MAD1L1: variants seen among roughly 807,000 people sequenced by gnomAD.
MAD1L1 encodes the protein mitotic spindle assembly checkpoint protein MAD1.
MAD1L1 carries 95 observed loss-of-function variants against 96.9 expected under a neutral mutation model. The observed-to-expected ratio is 0.98, with a 90% CI of 0.83 to 1.16. MAD1L1 has a LOEUF of 1.16. MAD1L1 is among the 50% of genes most tolerant of loss of function. The probability of loss-of-function intolerance (pLI) is 0.00; values close to 1 mark genes in which losing one functional copy is unlikely to be tolerated. For missense variants in MAD1L1, 1,007 were observed against 954.4 expected (o/e 1.06, Z -0.73); for synonymous variants, 473 against 396.6 (o/e 1.19, Z -2.29).
chr7:1,908,385 TTTG>T (rs1027033756), intron 17 of MAD1L1, among the ~76,000 whole-genome samples: 9 of 151,942 alleles, frequency 5.9e-5, no homozygotes, highest in African/African-American at 1.9e-4. Context: ...TTCAGTTGTG[TTTG>T]TTTTGTTTTT....
In MAD1L1 at chr7:1,976,493, C is replaced by T. The variant is rs1691098607; in HGVS notation, c.1505+3960G>A. 3.9e-5 allele frequency among the ~76,000 whole-genome samples: 6 copies of T among 152,336 alleles called. No individual in the cohort carries two copies. In the South Asian group the frequency reaches 1.2e-3, roughly 32 times the overall value. ...CTTGCCGGCCTCAGGAGTGAAGCTGCAGACCTTCGTGGTGAGTGCTACATC... is the reference window on the plus strand; with the variant it reads ...CTTGCCGGCCTCAGGAGTGAAGCTGTAGACCTTCGTGGTGAGTGCTACATC... On this transcript the variant is annotated intron_variant, in intron 15 of 18. Transcript: ENST00000265854.
chr7:2,225,787 G>A (rs538539944), intron 3 of MAD1L1, among the ~76,000 whole-genome samples: 8 of 152,220 alleles, frequency 5.3e-5, no homozygotes, highest in Non-Finnish European at 1.2e-4. Flanking sequence ...AAGCATATTA[G>A]TGAAGGCAAC....
At chr7:2,068,599 G>T (rs1347149997) in intron 12 of MAD1L1, among the ~76,000 whole-genome samples, 1 of 152,104 alleles carries the variant, frequency 6.6e-6, no homozygotes, top group East Asian at 1.9e-4. Context: ...TCTGGGGACA[G>T]ATTGACTTCT....
chr7:2,198,281 C>T (rs942118265), intron 10 of MAD1L1, among the ~76,000 whole-genome samples: 5 of 152,130 alleles, frequency 3.3e-5, no homozygotes, highest in African/African-American at 9.7e-5. Context: ...CCAGGAAGAG[C>T]CAGCAGGAGC....
chr7:1,847,367 C>A (rs1047662828), intron 18 of MAD1L1: 2 of 470,958 alleles, frequency 4.2e-6, no homozygotes, highest in African/African-American at 4.0e-5. Flanking sequence ...CGGGGCGGAC[C>A]AGGGTGTGCA....
intron 17 of MAD1L1, among the ~76,000 whole-genome samples, chr7:1,918,627 TC>T (rs1788574215): frequency 6.6e-6 from 1 of 152,218 alleles, no homozygotes; most frequent in Admixed American, 6.5e-5. Context: ...ATCCCATGAT[TC>T]CTTTACAACT....
chr7:1,860,519 G>A (rs1784494850), intron 18 of MAD1L1, among the ~76,000 whole-genome samples: 1 of 152,096 alleles, frequency 6.6e-6, no homozygotes, highest in African/African-American at 2.4e-5. Flanking sequence ...TTCCCTAAAT[G>A]TGACAACCTG....
chr7:2,225,867 T>A (rs1362689393), intron 3 of MAD1L1, among the ~76,000 whole-genome samples: 1 of 152,246 alleles, frequency 6.6e-6, no homozygotes, highest in East Asian at 1.9e-4. Flanking sequence ...CGTAGGTGGC[T>A]GCATTCTCTG....
At chr7:2,071,898 T>A (rs12699659) in intron 11 of MAD1L1, among the ~76,000 whole-genome samples, 8 of 152,032 alleles carry the variant, frequency 5.3e-5, no homozygotes, top group Non-Finnish European at 8.8e-5. Flanking sequence ...CCACTGTTCC[T>A]GGAGGGTGGG....
intron 12 of MAD1L1, among the ~76,000 whole-genome samples, chr7:2,015,700 C>T (rs1782508302): frequency 1.3e-5 from 2 of 152,212 alleles, no homozygotes; most frequent in Admixed American, 6.5e-5. Flanking sequence ...CGACCTTCTC[C>T]TGCCTGTCCG....
chr7:2,027,522 C>G (rs1584120781), intron 12 of MAD1L1, among the ~76,000 whole-genome samples: 1 of 152,304 alleles, frequency 6.6e-6, no homozygotes. Flanking sequence ...CTCATTTATT[C>G]CTGGAATGTA....
At chr7:2,058,680 T>A (rs1240727305) in intron 12 of MAD1L1, among the ~76,000 whole-genome samples, 7 of 41,186 alleles carry the variant, frequency 1.7e-4, no homozygotes, top group Non-Finnish European at 2.3e-4. Flanking sequence ...GAGGAGAGGC[T>A]TGAGGCTGGA....
At chr7:1,850,795 T>C (rs1253877163) in intron 18 of MAD1L1, among the ~76,000 whole-genome samples, 1 of 152,136 alleles carries the variant, frequency 6.6e-6, no homozygotes, top group Non-Finnish European at 1.5e-5. Context: ...AGCAAACACA[T>C]GTTCACTGCA....
intron 11 of MAD1L1, among the ~76,000 whole-genome samples, chr7:2,083,549 G>C: frequency 6.6e-6 from 1 of 152,238 alleles, no homozygotes; most frequent in East Asian, 1.9e-4. Flanking sequence ...AGGCCTCCAA[G>C]GTGGGTCAGT....
intron 10 of MAD1L1, among the ~76,000 whole-genome samples, chr7:2,179,136 T>C (rs111281804): frequency 3.3e-5 from 5 of 152,252 alleles, no homozygotes; most frequent in African/African-American, 1.2e-4. Context: ...CCGGGAACGT[T>C]TGGTCAAGAA....
chr7:1,869,237 A>T (rs1249000280), intron 18 of MAD1L1, among the ~76,000 whole-genome samples: 7 of 152,108 alleles, frequency 4.6e-5, no homozygotes, highest in African/African-American at 1.7e-4. Flanking sequence ...AACGCCAGGG[A>T]AGGAGCAGTC....
At chr7:1,840,226 C>T (rs1236718526) in intron 18 of MAD1L1, among the ~76,000 whole-genome samples, 1 of 152,222 alleles carries the variant, frequency 6.6e-6, no homozygotes, top group African/African-American at 2.4e-5. Flanking sequence ...AGCCGGTGAG[C>T]GTGAGCAAGT....
intron 18 of MAD1L1, among the ~76,000 whole-genome samples, chr7:1,887,819 G>C (rs928986459): frequency 2.2e-4 from 30 of 139,324 alleles, no homozygotes; most frequent in Non-Finnish European, 3.6e-4. Context: ...GTGTGTGTGT[G>C]CATGTGTGCA....
At chr7:2,064,797 AGGCTTCTCCCAGGACAGC>A (rs148816583) in intron 12 of MAD1L1, among the ~76,000 whole-genome samples, 46,336 of 149,762 alleles carry the variant, frequency 0.31, 8,102 homozygotes, top group African/African-American at 0.48. Context: ...CCCAGGACGG[AGGCTTCTCCCAGGACAGC>A]GGCTTCTCCC....
Sources: gnomAD v4.1 joint callset for allele counts (sites outside exome capture counted in the v4.1 genomes callset) on GRCh38, gnomAD v4.1.1 for gene constraint, MANE v1.5 for transcripts, NCBI Gene and HGNC (gene_info 2026-07-23, HGNC 2026-07-21) for gene names.